LAMC2: variants seen among roughly 807,000 people sequenced by gnomAD.
The protein encoded by LAMC2 is laminin subunit gamma 2.
In LAMC2, 97 loss-of-function variants were observed where a neutral mutation model predicts 140.2. That is an observed-to-expected ratio of 0.69 (90% CI 0.59 to 0.82). The LOEUF is 0.82. Among genes scored for constraint, LAMC2 ranks in the 40% least tolerant of loss-of-function variants. The pLI, the probability that LAMC2 is intolerant of heterozygous loss-of-function variation, is 0.00. For synonymous variants in LAMC2, 513 were observed against 540.2 expected (o/e 0.95, Z 0.70); for missense variants, 1,402 against 1,476.1 (o/e 0.95, Z 0.82).
chr1:183,215,683 G>A (rs980986113), intron 3 of LAMC2, 95 bp downstream of exon 3: 15 of 1,444,322 alleles, frequency 1.0e-5, no homozygotes, highest in Middle Eastern at 1.9e-4. Flanking sequence ...CCCCTACCCT[G>A]TGCCAAACAC....
Position 183,225,691 on chromosome 1 carries a change from T to C in LAMC2, c.1037T>C (p.Leu346Pro). 1 of 1,613,210 alleles carries C rather than the reference T, an allele frequency of 6.2e-7. No individual in the cohort carries two copies. Among genetic ancestry groups the C allele is most frequent in the Non-Finnish European group, 8.5e-7 (1 of 1,179,190 alleles). The change falls in exon 8 of 23, where the codon CTC becomes CCC. Residue 346 changes from leucine (L) to proline (P), a missense_variant. Transcript: ENST00000264144. ...YRRLLRNLTALRIRATYGEYS... is the reference protein window; with the variant it reads ...YRRLLRNLTAPRIRATYGEYS... The stretch of plus-strand genomic sequence containing the variant: ...AGGTTACTGCGGAATCTCACAGCCC[T>C]CCGCATCCGAGCTACATATGGAGAA...
In LAMC2 at chr1:183,186,300, G is replaced by T; in HGVS notation, c.-53G>T. 3.9e-6 allele frequency: 6 copies of T among 1,546,858 alleles called. No homozygotes were observed. Among genetic ancestry groups the T allele is most frequent in the Non-Finnish European group, 5.2e-6 (6 of 1,151,652 alleles). Reference sequence around the variant, plus strand: ...CAGAGTGAGAACCACCAACCGAGGCGCCGGGCAGCGACCCCTGCAGCGGAG... The same window carrying T: ...CAGAGTGAGAACCACCAACCGAGGCTCCGGGCAGCGACCCCTGCAGCGGAG... On this transcript the variant is annotated 5_prime_UTR_variant, in exon 1 of 23. Coordinates refer to ENST00000264144, the MANE Select transcript of LAMC2 (RefSeq NM_005562.3).
Position 183,208,078 on chromosome 1 carries a change from A to G in LAMC2, c.268+9A>G, listed in dbSNP as rs775093893. 3.7e-6 allele frequency: 6 copies of G among 1,612,330 alleles called. No individual in the cohort carries two copies. The highest frequency in any genetic ancestry group is 5.1e-6 in the Non-Finnish European group (6 of 1,178,548). ...CAATTGTAACTCCAAAGGTAGCTGA[A>G]AAGGACGGAAAGAGGGAGAGGGAGA... On this transcript the variant is annotated intron_variant, in intron 2 of 22. Coordinates refer to ENST00000264144, the MANE Select transcript of LAMC2 (RefSeq NM_005562.3).
At chr1:183,221,029 C>A in intron 5 of LAMC2, 68 bp downstream of exon 5, 1 of 1,397,430 alleles carries the variant, frequency 7.2e-7, no homozygotes, top group Non-Finnish European at 1.0e-6. Flanking sequence ...TAGAGACAAC[C>A]ACCTCCGCAT....
At position 183,235,704 on chromosome 1, in the gene LAMC2, T is replaced by C; in HGVS notation, c.2430T>C (p.Gly810=). The change falls in exon 16 of 23, where the codon GGT becomes GGC. Residue 810 remains glycine, a synonymous_variant. Coordinates refer to ENST00000264144, the MANE Select transcript of LAMC2 (RefSeq NM_005562.3). ...GAAGCGGAAGCGGTAGCCCGGACGG[T>C]GCTGTGGTGCAAGGGCTTGTGGAAA... ...GVGSGSGSPD[G]AVVQGLVEKL... 1 of 1,614,190 alleles carries C rather than the reference T, an allele frequency of 6.2e-7. No homozygotes were observed. Among genetic ancestry groups the C allele is most frequent in the Non-Finnish European group, 8.5e-7 (1 of 1,180,030 alleles).
chr1:183,250,458 T>C, the LAMC2 span: 2 of 152,430 alleles, frequency 1.3e-5, no homozygotes, highest in Non-Finnish European at 2.9e-5. Context: ...AAAAGAAAGA[T>C]GCCAGGGTAA....
Position 183,237,524 on chromosome 1 carries a change from T to C in LAMC2, c.2754+20T>C. 1.2e-6 allele frequency: 2 copies of C among 1,600,606 alleles called. No homozygotes were observed. Among genetic ancestry groups the C allele is most frequent in the Non-Finnish European group, 1.7e-6 (2 of 1,168,656 alleles). On this transcript the variant is annotated intron_variant, in intron 18 of 22. Coordinates refer to ENST00000264144, the MANE Select transcript of LAMC2 (RefSeq NM_005562.3). ...AGAGAGGTATTCTTTTGTTAATTCA[T>C]TCACTCAATAAAGATGTATTGAATG... is the stretch of plus-strand genomic sequence containing the variant.
Position 183,226,801 on chromosome 1 carries a change from G to T in LAMC2, c.1170G>T (p.Gly390=). 1 of 1,614,178 alleles carries T rather than the reference G, an allele frequency of 6.2e-7. No individual in the cohort carries two copies. Among genetic ancestry groups the T allele is most frequent in the Non-Finnish European group, 8.5e-7 (1 of 1,180,012 alleles). Residue 390 remains glycine (G), a synonymous_variant, in exon 9 of 23, where the codon GGG becomes GGT. Transcript: ENST00000264144. ...EQCICPVGYK[G]QFCQDCASGY... is the part of the protein sequence containing the mutation. ...GTATATGTCCTGTTGGGTACAAGGG[G>T]CAATTCTGCCAGGATTGTGCTTCTG...
At chr1:183,249,209 T>C (rs919750562), downstream of LAMC2, 7 of 152,138 alleles carry the variant, frequency 4.6e-5, no homozygotes, top group Non-Finnish European at 8.8e-5. Flanking sequence ...CTATGTACAT[T>C]CAAGGAAAAT....
rs369314348 is a variant in LAMC2, at chr1:183,232,646, G to A, written c.2015-6G>A. ...GCTCATGCTCCCTTTCCTTCTTTGC[G>A]TTCAGGTGCTAGCAGATCCCTTGGT... On this transcript the variant is annotated splice_polypyrimidine_tract_variant and splice_region_variant and intron_variant, in intron 13 of 22. Transcript: ENST00000264144. 3.4e-5 allele frequency: 55 copies of A among 1,611,908 alleles called. No homozygotes were observed. Among genetic ancestry groups the A allele is most frequent in the African/African-American group, 1.6e-4 (12 of 74,950 alleles).
At chr1:183,222,271 G>C (rs2102222620) in intron 6 of LAMC2, 60 bp downstream of exon 6, 2 of 1,568,456 alleles carry the variant, frequency 1.3e-6, no homozygotes, top group Non-Finnish European at 1.8e-6. Context: ...AGTCAAGATA[G>C]AGAAATTGAG....
intron 1 of LAMC2, among the ~76,000 whole-genome samples, chr1:183,195,728 A>G (rs1409444207): frequency 6.6e-6 from 1 of 152,192 alleles, no homozygotes; most frequent in Non-Finnish European, 1.5e-5. Context: ...CTAATTAGGG[A>G]ACATATTGTG....
At chr1:183,223,007 T>A in intron 6 of LAMC2, 128 bp from the exon 7 acceptor site, 1 of 793,472 alleles carries the variant, frequency 1.3e-6, no homozygotes, top group Non-Finnish European at 2.1e-6. Context: ...CTGACTCTCC[T>A]AGCAAGGAGT....
chr1:183,210,594 GA>G (rs144928967), intron 2 of LAMC2, among the ~76,000 whole-genome samples: 4,993 of 150,736 alleles, frequency 0.033, 144 homozygotes, highest in South Asian at 0.11. Context: ...CCATATGAAA[GA>G]AAAAAAAATC....
chr1:183,235,880 G>A (rs1223937140), intron 16 of LAMC2, 150 bp downstream of exon 16: 4 of 761,118 alleles, frequency 5.3e-6, no homozygotes, highest in Non-Finnish European at 4.3e-6. Context: ...TTTTACTTTG[G>A]GGAAAAGCAG....
intron 1 of LAMC2, among the ~76,000 whole-genome samples, chr1:183,204,040 A>T (rs1180976257): frequency 2.0e-5 from 3 of 152,196 alleles, no homozygotes; most frequent in Non-Finnish European, 2.9e-5. Flanking sequence ...CTGTAATTCC[A>T]GCACTTTGGG....
At chr1:183,207,799 A>AT (rs2102195791) in intron 1 of LAMC2, 82 bp from the exon 2 acceptor site, 1 of 1,179,204 alleles carries the variant, frequency 8.5e-7, no homozygotes, top group East Asian at 2.3e-5. Flanking sequence ...TTCTATCAAT[A>AT]ATAACATAAA....
At chr1:183,231,133 C>A in intron 12 of LAMC2, 30 bp downstream of exon 12, 3 of 1,613,690 alleles carry the variant, frequency 1.9e-6, no homozygotes, top group Non-Finnish European at 1.7e-6. Flanking sequence ...CCACCCCCAA[C>A]CCCACAGAAT....
chr1:183,228,113 C>T lies in LAMC2; in HGVS notation c.1469-261C>T, dbSNP rs541358444. Among the ~76,000 whole-genome samples the T allele has an allele frequency of 2.0e-5, 3 of 152,284 alleles. No homozygotes were observed. The East Asian group carries it at 5.8e-4, about 29-fold the overall frequency. On this transcript the variant is annotated intron_variant, in intron 10 of 22. Coordinates refer to ENST00000264144, the MANE Select transcript of LAMC2 (RefSeq NM_005562.3). The surrounding 1 kb of genome is among the most constrained non-coding windows in gnomAD (Gnocchi z 4.3). ...GGGGGTATTGCTCAAAACCTTACTA[C>T]TTCTGTGGAGCTGCCTGCTTTTTCC... is the stretch of plus-strand genomic sequence containing the variant.
Sources: gnomAD v4.1 joint callset for allele counts (sites outside exome capture counted in the v4.1 genomes callset) on GRCh38, gnomAD v4.1.1 for gene constraint, Gnocchi (gnomAD v3.1) non-coding constraint, MANE v1.5 for transcripts, NCBI Gene and HGNC (gene_info 2026-07-23, HGNC 2026-07-21) for gene names.